Variants in RGS6 observed in about 807,000 individuals in gnomAD.
RGS6 encodes the protein regulator of G-protein signaling 6.
In RGS6, 30 loss-of-function variants were observed where a neutral mutation model predicts 78.5. The observed-to-expected ratio is 0.38, with a 90% CI of 0.29 to 0.52. RGS6 has a LOEUF of 0.52. Ranked by LOEUF, RGS6 falls within the 20% of genes least tolerant of loss-of-function variation. The pLI is 0.85. For missense variants in RGS6, 495 were observed against 609.7 expected, an observed-to-expected ratio of 0.81 and a Z score of 1.98; for synonymous variants, 206 against 206.0, an observed-to-expected ratio of 1.00 and a Z score of 0.00.
chr14:72,600,473 A>G, the RGS6 span, among the ~76,000 whole-genome samples: 1 of 152,058 alleles, frequency 6.6e-6, no homozygotes, highest in Non-Finnish European at 1.5e-5. Context: ...TCTAGGCCTC[A>G]GTTTCCTCTT....
chr14:71,973,031 G>T (rs2153082800), intron 2 of RGS6, among the ~76,000 whole-genome samples: 1 of 152,290 alleles, frequency 6.6e-6, no homozygotes, highest in East Asian at 1.9e-4. Context: ...CAGGATATCT[G>T]GGTATTTGTT....
chr14:72,321,244 C>G (rs2071918695), intron 2 of RGS6, among the ~76,000 whole-genome samples: 2 of 151,574 alleles, frequency 1.3e-5, no homozygotes, highest in African/African-American at 4.8e-5. Context: ...CAAACCTGCC[C>G]AAATAGCACA....
chr14:72,521,406 T>A (rs781608065), intron 15 of RGS6, among the ~76,000 whole-genome samples: 6 of 152,248 alleles, frequency 3.9e-5, no homozygotes, highest in African/African-American at 7.2e-5. Flanking sequence ...TTATGTTGTC[T>A]CTACTTCAAG....
intron 3 of RGS6, among the ~76,000 whole-genome samples, chr14:72,371,488 A>G (rs2083494628): frequency 1.3e-5 from 2 of 152,214 alleles, no homozygotes; most frequent in Non-Finnish European, 2.9e-5. Context: ...TGGGCCGGGC[A>G]TGGTGGCTCA....
intron 2 of RGS6, among the ~76,000 whole-genome samples, chr14:72,200,540 A>C (rs987683910): frequency 6.6e-6 from 1 of 152,170 alleles, no homozygotes; most frequent in Non-Finnish European, 1.5e-5. Flanking sequence ...AGGTTTGACC[A>C]ACTCAGAGGA....
chr14:72,310,605 A>G (rs1031370353), intron 2 of RGS6, among the ~76,000 whole-genome samples: 2 of 152,246 alleles, frequency 1.3e-5, no homozygotes, highest in Admixed American at 6.5e-5. Flanking sequence ...ACAAGATACA[A>G]TTTGGTGGCT....
chr14:72,186,072 T>C (rs149646), intron 2 of RGS6, among the ~76,000 whole-genome samples: 126,743 of 152,256 alleles, frequency 0.83, 52,911 homozygotes, highest in East Asian at 0.94. Context: ...GTGATTGCCA[T>C]ATCTAGGCAG....
intron 8 of RGS6, among the ~76,000 whole-genome samples, 171 bp from the exon 9 acceptor site, chr14:72,472,701 G>T (rs560664984): frequency 4.6e-5 from 7 of 152,254 alleles, no homozygotes; most frequent in Admixed American, 2.6e-4. Flanking sequence ...GTTTTCGGGG[G>T]GGGAATTATA....
At chr14:72,228,204 C>T (rs936385809) in intron 2 of RGS6, among the ~76,000 whole-genome samples, 3 of 152,010 alleles carry the variant, frequency 2.0e-5, no homozygotes, top group African/African-American at 4.8e-5. Flanking sequence ...CATGGTGAAA[C>T]CCCGTATCCA....
intron 2 of RGS6, among the ~76,000 whole-genome samples, chr14:72,056,208 G>C (rs2093611042): frequency 6.6e-6 from 1 of 152,182 alleles, no homozygotes; most frequent in Non-Finnish European, 1.5e-5. Flanking sequence ...GAAGCCCAGA[G>C]AAGTTAAGAA....
chr14:72,279,920 AGATC>A, intron 2 of RGS6, among the ~76,000 whole-genome samples: 1 of 152,244 alleles, frequency 6.6e-6, no homozygotes, highest in East Asian at 1.9e-4. Flanking sequence ...AAAAAGTGAG[AGATC>A]AAACAAGATT....
At chr14:71,899,508 C>A in the RGS6 span, among the ~76,000 whole-genome samples, 3 of 152,162 alleles carry the variant, frequency 2.0e-5, no homozygotes. Context: ...TACACTCAAC[C>A]CCTCAGTTTT....
intron 2 of RGS6, among the ~76,000 whole-genome samples, chr14:72,139,548 T>C (rs1013403635): frequency 2.6e-5 from 4 of 152,048 alleles, no homozygotes; most frequent in Non-Finnish European, 5.9e-5. Context: ...GGTTTCTGAG[T>C]TTAATAAGCA....
intron 12 of RGS6, among the ~76,000 whole-genome samples, chr14:72,489,578 TC>T (rs2096548858): frequency 6.6e-6 from 1 of 152,078 alleles, no homozygotes; most frequent in Admixed American, 6.6e-5. Flanking sequence ...ATGACAAGTG[TC>T]CTCATAAGAC....
At chr14:72,549,069 A>C (rs951567358) in intron 17 of RGS6, among the ~76,000 whole-genome samples, 7 of 152,176 alleles carry the variant, frequency 4.6e-5, no homozygotes, top group African/African-American at 1.7e-4. Flanking sequence ...GAAAAGGAGA[A>C]TGAATTATAA....
intron 3 of RGS6, among the ~76,000 whole-genome samples, chr14:72,375,640 G>A (rs2084510506): frequency 6.6e-6 from 1 of 152,230 alleles, no homozygotes; most frequent in Admixed American, 6.5e-5. Context: ...CCCACTGTGT[G>A]CAGACATATG....
intron 2 of RGS6, among the ~76,000 whole-genome samples, chr14:72,305,386 A>G (rs186318316): frequency 4.6e-5 from 7 of 152,324 alleles, no homozygotes; most frequent in Admixed American, 4.6e-4. Flanking sequence ...ATTCACAGAT[A>G]TCACATTTTT....
intron 3 of RGS6, among the ~76,000 whole-genome samples, chr14:72,408,270 T>G (rs983386538): frequency 6.6e-6 from 1 of 152,224 alleles, no homozygotes; most frequent in Non-Finnish European, 1.5e-5. Flanking sequence ...GGTTCTCAGA[T>G]GACTTGCAAA....
chr14:72,003,864 T>C (rs1386001827), intron 2 of RGS6, among the ~76,000 whole-genome samples: 4 of 152,100 alleles, frequency 2.6e-5, no homozygotes, highest in African/African-American at 9.7e-5. Context: ...CATTCAGTCA[T>C]AGGGTTCAGC....
Sources: allele counts gnomAD v4.1 joint callset (sites outside exome capture counted in the v4.1 genomes callset), GRCh38; gene constraint gnomAD v4.1.1; transcripts MANE v1.5; gene names NCBI Gene and HGNC (gene_info 2026-07-23, HGNC 2026-07-21).